Variants in NIFK observed in about 807,000 individuals in gnomAD.
NIFK encodes the protein MKI67 FHA domain-interacting nucleolar phosphoprotein.
NIFK carries 16 observed loss-of-function variants against 31.7 expected under a neutral mutation model. The ratio of observed to expected loss-of-function variants is 0.50; its 90% CI spans 0.34 to 0.77. NIFK has a LOEUF of 0.77. Among genes scored for constraint, NIFK ranks in the 30% least tolerant of loss-of-function variants. The pLI, the probability that NIFK is intolerant of heterozygous loss-of-function variation, is 0.01. For missense variants in NIFK, 341 were observed against 350.4 expected, an observed-to-expected ratio of 0.97 and a Z score of 0.21; for synonymous variants, 126 against 123.0, an observed-to-expected ratio of 1.02 and a Z score of -0.16.
Position 121,732,139 on chromosome 2 carries a change from A to G in NIFK, c.309T>C (p.Ala103=), listed in dbSNP as rs1439718140. ...CAAACAGGTAGTTGTTCATTGTTTCAGCAACTATTTTGGCAACATCCTCAG... is the reference window on the plus strand; with the variant it reads ...CAAACAGGTAGTTGTTCATTGTTTCGGCAACTATTTTGGCAACATCCTCAG... ...FESEDVAKIV[A]ETMNNYLFGE... The change falls in exon 3 of 7, where the codon GCT becomes GCC. Residue 103 remains alanine (A), a synonymous_variant. Transcript: ENST00000285814. 5 of 1,613,212 alleles carry G rather than the reference A, an allele frequency of 3.1e-6. No homozygotes were observed. The highest frequency in any genetic ancestry group is 4.2e-6 in the Non-Finnish European group (5 of 1,179,214).
chr2:121,733,853 C>T (rs2074561035), intron 2 of NIFK, among the ~76,000 whole-genome samples: 1 of 152,196 alleles, frequency 6.6e-6, no homozygotes, highest in African/African-American at 2.4e-5. Flanking sequence ...TTAAAACCCT[C>T]ATCTTCTTTG....
chr2:121,729,507 C>T (rs1001458732), intron 4 of NIFK, among the ~76,000 whole-genome samples: 6 of 152,148 alleles, frequency 3.9e-5, no homozygotes, highest in African/African-American at 1.4e-4. Context: ...GTTTTGGTAT[C>T]TACTTATAGC....
chr2:121,730,282 T>C (rs968765028), intron 4 of NIFK: 1 of 153,570 alleles, frequency 6.5e-6, no homozygotes, highest in South Asian at 2.0e-4. Flanking sequence ...CCTGTAATCC[T>C]AGCACTTTGG....
intron 2 of NIFK, among the ~76,000 whole-genome samples, chr2:121,733,439 C>T (rs916892735): frequency 2.6e-5 from 4 of 151,594 alleles, no homozygotes; most frequent in African/African-American, 4.8e-5. Flanking sequence ...CACTTGAATC[C>T]GAGAGGCTGA....
rs2074584908 is a variant in NIFK at position 121,736,769 on chromosome 2, G to C, written c.82C>G (p.Gln28Glu). Reference sequence around the variant, plus strand: ...ACCTGGGTTATGCGCTTGCGAACCTGCGCCACCTCCTTTTGAAACTCGACA... The same window carrying C: ...ACCTGGGTTATGCGCTTGCGAACCTCCGCCACCTCCTTTTGAAACTCGACA... ...EDVEFQKEVA[Q>E]VRKRITQRKK... is the part of the protein sequence containing the mutation. The change falls in exon 1 of 7, where the codon CAG (glutamine) becomes GAG (glutamate). Residue 28 changes from glutamine to glutamate, a missense_variant. By Grantham distance (29) the Gln-to-Glu change is conservative (BLOSUM62 2). Coordinates refer to ENST00000285814, the MANE Select transcript of NIFK (RefSeq NM_032390.5). The C allele has an allele frequency of 6.2e-7, 1 of 1,614,008 alleles. No homozygotes were observed. The highest frequency in any genetic ancestry group is 1.3e-5 in the African/African-American group (1 of 74,952).
rs147072176 is a variant in NIFK, at chr2:121,734,530, C to T, written c.243+1083G>A. On this transcript the variant is annotated intron_variant, in intron 2 of 6. Transcript: ENST00000285814. Reference sequence around the variant, plus strand: ...ATTTGTGGCCGGGCGCACTGGCTCACGCCTGTAATCTCAGCACTTTGGGAG... The same window carrying T: ...ATTTGTGGCCGGGCGCACTGGCTCATGCCTGTAATCTCAGCACTTTGGGAG... Among the ~76,000 whole-genome samples, 23 of 152,140 alleles carry T rather than the reference C, an allele frequency of 1.5e-4. 1 individual carries two copies. The East Asian group carries it at 3.3e-3, about 22-fold the overall frequency.
intron 6 of NIFK, 27 bp from the exon 7 acceptor site, chr2:121,727,939 T>G (rs754304907): frequency 1.3e-6 from 2 of 1,550,942 alleles, no homozygotes; most frequent in Admixed American, 2.3e-5. Context: ...AAGATTATAA[T>G]ACATAAATGT....
rs564371322 is a variant in NIFK at position 121,731,416 on chromosome 2, G to A, written c.353-312C>T. ...TGCACCCTATGGACTGCAGGGTAGG[G>A]GGCTTCACTGGCTTCTTTCTGCAGG... On this transcript the variant is annotated intron_variant, in intron 3 of 6. Transcript: ENST00000285814. Among the ~76,000 whole-genome samples, 12 of 152,314 alleles carry A rather than the reference G, an allele frequency of 7.9e-5. No homozygotes were observed. The South Asian group carries it at 1.0e-3, about 13-fold the overall frequency.
At chr2:121,736,671 AC>A in intron 1 of NIFK, 74 bp downstream of exon 1, 4 of 1,305,770 alleles carry the variant, frequency 3.1e-6, no homozygotes, top group Non-Finnish European at 4.4e-6. Context: ...CGGGCCGGAA[AC>A]CGTGCAACCC....
intron 2 of NIFK, among the ~76,000 whole-genome samples, chr2:121,735,314 A>G (rs1002860281): frequency 3.9e-5 from 6 of 152,338 alleles, no homozygotes; most frequent in African/African-American, 1.4e-4. Context: ...AACCTTTGCT[A>G]TTATAAGGAT....
chr2:121,731,362 G>A (rs141099305), intron 3 of NIFK, among the ~76,000 whole-genome samples: 27 of 152,254 alleles, frequency 1.8e-4, no homozygotes, highest in African/African-American at 5.8e-4. Flanking sequence ...GCCTCCCAAG[G>A]GCAGCAGGAT....
At chr2:121,730,473 G>A (rs1339207633) in intron 4 of NIFK, 5 of 163,212 alleles carry the variant, frequency 3.1e-5, no homozygotes, top group Non-Finnish European at 5.3e-5. Flanking sequence ...GGAGGTTGCG[G>A]TGAGCCAAGA....
intron 4 of NIFK, among the ~76,000 whole-genome samples, chr2:121,729,382 A>G (rs934643707): frequency 2.0e-5 from 3 of 151,732 alleles, no homozygotes; most frequent in East Asian, 1.9e-4. Flanking sequence ...AAAAAAAAAA[A>G]AAAGAAAAGA....
At chr2:121,730,865 C>T in intron 4 of NIFK, 28 bp downstream of exon 4, 1 of 1,551,324 alleles carries the variant, frequency 6.4e-7, no homozygotes, top group African/African-American at 1.4e-5. Context: ...CCACAACAAA[C>T]CACAAAAAAG....
intron 2 of NIFK, among the ~76,000 whole-genome samples, chr2:121,734,911 C>G (rs1045538351): frequency 2.6e-5 from 4 of 152,206 alleles, no homozygotes; most frequent in African/African-American, 7.2e-5. Context: ...CGACAACTAA[C>G]AGATGATGGA....
chr2:121,736,482 C>A (rs764815186), intron 1 of NIFK, among the ~76,000 whole-genome samples: 1 of 152,266 alleles, frequency 6.6e-6, no homozygotes, highest in Non-Finnish European at 1.5e-5. Context: ...CCCCGTTACC[C>A]TCCACATGAA....
In NIFK at chr2:121,735,592, A is replaced by C. The variant is rs779252020; in HGVS notation, c.243+21T>G. On this transcript the variant is annotated intron_variant, in intron 2 of 6. Coordinates refer to ENST00000285814, the MANE Select transcript of NIFK (RefSeq NM_032390.5). ...ACACATTTGAAAAACAAAACATTAA[A>C]TCCAACTGCAAAAATCTTACCCTTT... 14 of 1,611,436 alleles carry C rather than the reference A, an allele frequency of 8.7e-6. No individual in the cohort carries two copies. In the South Asian group the frequency reaches 1.5e-4, roughly 18 times the overall value.
intron 6 of NIFK, 22 bp from the exon 7 acceptor site, chr2:121,727,934 T>G (rs1037868818): frequency 5.8e-6 from 9 of 1,561,446 alleles, no homozygotes; most frequent in Non-Finnish European, 7.8e-6. Flanking sequence ...AAGTAAAGAT[T>G]ATAATACATA....
chr2:121,733,801 C>T (rs530928708), intron 2 of NIFK, among the ~76,000 whole-genome samples: 1 of 152,266 alleles, frequency 6.6e-6, no homozygotes, highest in East Asian at 1.9e-4. Context: ...GTTATGCTTA[C>T]ATGCATATGT....
Sources: gnomAD v4.1 joint callset for allele counts (sites outside exome capture counted in the v4.1 genomes callset) on GRCh38, gnomAD v4.1.1 for gene constraint, MANE v1.5 for transcripts, NCBI Gene and HGNC (gene_info 2026-07-23, HGNC 2026-07-21) for gene names.